CDH9: variants seen among roughly 807,000 people sequenced by gnomAD.
CDH9 encodes the protein cadherin-9.
CDH9 carries 28 observed loss-of-function variants against 70.9 expected under a neutral mutation model. That is an observed-to-expected ratio of 0.40 (90% CI 0.29 to 0.54). The LOEUF is 0.54. Among genes scored for constraint, CDH9 ranks in the 20% least tolerant of loss-of-function variants. CDH9 has a pLI of 0.59. For synonymous variants in CDH9, 409 were observed against 343.1 expected, an observed-to-expected ratio of 1.19 and a Z score of -2.12; for missense variants, 874 against 984.4, an observed-to-expected ratio of 0.89 and a Z score of 1.50.
Position 26,902,634 on chromosome 5 carries a change from T to C in CDH9, c.1095A>G (p.Lys365=), listed in dbSNP as rs1055699145. 6.2e-7 allele frequency: 1 copy of C among 1,600,894 alleles called. No homozygotes were observed. The highest frequency in any genetic ancestry group is 8.6e-7 in the Non-Finnish European group (1 of 1,168,304). ...DPRFLHLGPF[K]DTAVVKISVE... ...CAGATATTTTGACCACAGCTGTATC[T>C]TTGAAAGGTCCCAGGTGTAAGAATC... Residue 365 remains lysine, a synonymous_variant, in exon 7 of 12, where the codon AAA becomes AAG. Transcript: ENST00000231021.
At chr5:26,923,116 G>T (rs999991021) in intron 2 of CDH9, among the ~76,000 whole-genome samples, 25 of 146,210 alleles carry the variant, frequency 1.7e-4, no homozygotes, top group Admixed American at 3.4e-4. Flanking sequence ...CCAACAATCT[G>T]GTTGAATGGA....
intron 1 of CDH9, among the ~76,000 whole-genome samples, chr5:27,003,888 T>C (rs1742813801): frequency 6.6e-6 from 1 of 151,930 alleles, no homozygotes; most frequent in Non-Finnish European, 1.5e-5. Flanking sequence ...TATTTCTTCA[T>C]TAATTGTAAA....
At chr5:26,937,268 A>C (rs76249292) in intron 2 of CDH9, among the ~76,000 whole-genome samples, 5,781 of 152,272 alleles carry the variant, frequency 0.038, 164 homozygotes, top group Middle Eastern at 0.12. Flanking sequence ...CATATCAAAA[A>C]TGTGCAACAT....
At chr5:26,965,170 T>TAAGTTATTCTA (rs910690707) in intron 2 of CDH9, among the ~76,000 whole-genome samples, 2 of 152,120 alleles carry the variant, frequency 1.3e-5, no homozygotes, top group Non-Finnish European at 2.9e-5. Flanking sequence ...ATAGAACAAT[T>TAAGTTATTCTA]AAGTTATTCT....
chr5:26,883,325 A>G (rs1740504234), intron 11 of CDH9, among the ~76,000 whole-genome samples: 1 of 151,602 alleles, frequency 6.6e-6, no homozygotes, highest in Non-Finnish European at 1.5e-5. Flanking sequence ...ATAAAAATGT[A>G]CTAATTCCCA....
At chr5:26,886,931 T>C (rs1418597038) in intron 9 of CDH9, among the ~76,000 whole-genome samples, 2 of 152,168 alleles carry the variant, frequency 1.3e-5, no homozygotes, top group Non-Finnish European at 2.9e-5. Flanking sequence ...CTCTGACTTT[T>C]AACGTTCTCT....
intron 1 of CDH9, among the ~76,000 whole-genome samples, chr5:27,025,299 A>G (rs984658931): frequency 6.6e-6 from 1 of 152,114 alleles, no homozygotes; most frequent in South Asian, 2.1e-4. Flanking sequence ...CTAAAAGCTT[A>G]AAGTTCAATG....
chr5:27,015,543 T>G (rs2112119577), intron 1 of CDH9, among the ~76,000 whole-genome samples: 1 of 151,844 alleles, frequency 6.6e-6, no homozygotes, highest in African/African-American at 2.4e-5. Context: ...ATATATGATA[T>G]ACCAAAATAT....
chr5:26,948,080 T>C lies in CDH9; in HGVS notation c.229-32156A>G, dbSNP rs188069713. On this transcript the variant is annotated intron_variant, in intron 2 of 11. Coordinates refer to ENST00000231021, the MANE Select transcript of CDH9 (RefSeq NM_016279.4). ...GAAGTGCTTGGATATTCACAGACTT[T>C]TAGGCTATAGCCTTGCTCTGTGGTC... Among the ~76,000 whole-genome samples the C allele has an allele frequency of 4.2e-3, 640 of 152,238 alleles. 9 individuals carry two copies. The highest frequency in any genetic ancestry group is 3.4e-3 in the Non-Finnish European group (234 of 68,024).
chr5:27,015,408 A>T (rs1390154914), intron 1 of CDH9, among the ~76,000 whole-genome samples: 2 of 151,820 alleles, frequency 1.3e-5, no homozygotes, highest in South Asian at 4.1e-4. Context: ...TCTTGTGCAT[A>T]CTTCTCTGAA....
Position 26,885,651 on chromosome 5 carries a change from A to C in CDH9, c.1845T>G (p.Ala615=), listed in dbSNP as rs746024247. ...GGACACAGAGTAGAATCGCAACGAG[A>C]GCTCCCGTGCTCAGGCCGGCTGAAA... The part of the protein sequence containing the change: ...LILSAGLSTG[A]LVAILLCVLI... Residue 615 remains alanine, a synonymous_variant, in exon 11 of 12, where the codon GCT becomes GCG. Coordinates refer to ENST00000231021, the MANE Select transcript of CDH9 (RefSeq NM_016279.4). 6.2e-7 allele frequency: 1 copy of C among 1,613,614 alleles called. No homozygotes were observed. Among genetic ancestry groups the C allele is most frequent in the Non-Finnish European group, 8.5e-7 (1 of 1,179,840 alleles).
In CDH9 at chr5:26,906,038, C is replaced by T. The variant is rs1327379129; in HGVS notation, c.732G>A (p.Gln244=). 2 of 1,613,472 alleles carry T rather than the reference C, an allele frequency of 1.2e-6. No homozygotes were observed. Among genetic ancestry groups the T allele is most frequent in the African/African-American group, 1.3e-5 (1 of 74,928 alleles). Residue 244 remains glutamine, a synonymous_variant, in exon 5 of 12, where the codon CAG becomes CAA. Transcript: ENST00000231021. ...TGGTGGTTCCAGAAAGGCCTCCCAT[C>T]TGGCCACCCATGTCTTTGGCCTGTA... ...VVIQAKDMGG[Q]MGGLSGTTTV... is the part of the protein sequence containing the mutation.
intron 1 of CDH9, among the ~76,000 whole-genome samples, chr5:27,002,533 A>G (rs1742788992): frequency 6.6e-6 from 1 of 152,194 alleles, no homozygotes; most frequent in South Asian, 2.1e-4. Context: ...ATGTCCATCA[A>G]TGATAGACTG....
chr5:26,931,895 G>T (rs1294214565), intron 2 of CDH9, among the ~76,000 whole-genome samples: 3 of 151,974 alleles, frequency 2.0e-5, no homozygotes, highest in Admixed American at 6.6e-5. Context: ...TGGCACAGAA[G>T]AATTTTTTAA....
chr5:26,894,107 G>T (rs1740706458), intron 7 of CDH9, among the ~76,000 whole-genome samples: 1 of 152,122 alleles, frequency 6.6e-6, no homozygotes, highest in African/African-American at 2.4e-5. Flanking sequence ...TTACATCTGT[G>T]CATTGAATGG....
At chr5:27,011,920 A>G (rs1236158396) in intron 1 of CDH9, among the ~76,000 whole-genome samples, 1 of 151,966 alleles carries the variant, frequency 6.6e-6, no homozygotes, top group African/African-American at 2.4e-5. Flanking sequence ...TAATAATAAT[A>G]AAACTCATGA....
At chr5:26,991,977 C>T (rs1283805217) in intron 1 of CDH9, among the ~76,000 whole-genome samples, 2 of 152,130 alleles carry the variant, frequency 1.3e-5, no homozygotes, top group African/African-American at 2.4e-5. Context: ...TGAATACATA[C>T]GCACACATAT....
At chr5:27,000,008 T>A (rs1403863041) in intron 1 of CDH9, among the ~76,000 whole-genome samples, 1 of 152,130 alleles carries the variant, frequency 6.6e-6, no homozygotes, top group African/African-American at 2.4e-5. Flanking sequence ...ACACTAAAAG[T>A]ATGATTCATT....
At chr5:26,900,396 T>C (rs943938052) in intron 7 of CDH9, among the ~76,000 whole-genome samples, 1 of 152,048 alleles carries the variant, frequency 6.6e-6, no homozygotes, top group African/African-American at 2.4e-5. Flanking sequence ...AACAAAACTA[T>C]AGAAGGTATC....
Sources: gnomAD v4.1 joint callset for allele counts (sites outside exome capture counted in the v4.1 genomes callset) on GRCh38, gnomAD v4.1.1 for gene constraint, MANE v1.5 for transcripts, NCBI Gene and HGNC (gene_info 2026-07-23, HGNC 2026-07-21) for gene names.